Variants in LRP5 observed in about 807,000 individuals in gnomAD.
The protein encoded by LRP5 is LDL receptor related protein 5, also known as low-density lipoprotein receptor-related protein 5.
Under a neutral mutation model 154.1 loss-of-function variants are expected in LRP5, and 62 were observed. That is an observed-to-expected ratio of 0.40 (90% CI 0.33 to 0.50). The LOEUF (loss-of-function observed/expected upper bound fraction) is 0.50, where lower values mean the gene tolerates loss of function less well. LRP5 is among the 20% of genes least tolerant of loss of function. LRP5 has a pLI of 0.55. For synonymous variants in LRP5, 966 were observed against 1,011.5 expected, an observed-to-expected ratio of 0.96 and a Z score of 0.85; for missense variants, 1,915 against 2,336.7, an observed-to-expected ratio of 0.82 and a Z score of 3.72.
chr11:68,330,744 C>T (rs1464669039), intron 1 of LRP5, among the ~76,000 whole-genome samples: 2 of 152,248 alleles, frequency 1.3e-5, no homozygotes, highest in African/African-American at 4.8e-5. Flanking sequence ...CACTGGCTCT[C>T]GCAGGAGCGC....
chr11:68,335,669 C>T (rs1156468682), intron 1 of LRP5, among the ~76,000 whole-genome samples: 1 of 152,226 alleles, frequency 6.6e-6, no homozygotes, highest in Non-Finnish European at 1.5e-5. Flanking sequence ...CATATTCTCT[C>T]TGTAAGGCGT....
rs1365922615 is a variant in LRP5, at chr11:68,413,679, G to A, written c.2504-10G>A. The A allele has an allele frequency of 6.2e-7, 1 of 1,613,332 alleles. No homozygotes were observed. The highest frequency in any genetic ancestry group is 8.5e-7 in the Non-Finnish European group (1 of 1,179,788). The stretch of plus-strand genomic sequence containing the variant: ...CTTTGCTGACACCGTGCCCGTGTGT[G>A]TTCATGCAGGTCAGGAGCGGGTCGT... On this transcript the variant is annotated splice_polypyrimidine_tract_variant and intron_variant, in intron 11 of 22. Coordinates refer to ENST00000294304, the MANE Select transcript of LRP5 (RefSeq NM_002335.4). This position sits in a 1 kb window ranked among gnomAD's most constrained non-coding sequence, Gnocchi z 5.1.
intron 7 of LRP5, among the ~76,000 whole-genome samples, chr11:68,399,730 G>A (rs629545): frequency 6.6e-6 from 1 of 152,250 alleles, no homozygotes; most frequent in Non-Finnish European, 1.5e-5. Context: ...GAAAGGCAGA[G>A]GCCTCCTGAG....
intron 1 of LRP5, among the ~76,000 whole-genome samples, chr11:68,321,722 T>C (rs1224689047): frequency 1.3e-5 from 2 of 152,244 alleles, no homozygotes; most frequent in Admixed American, 1.3e-4. Context: ...ATATAATTAC[T>C]GAGTTAATTA....
Position 68,403,421 on chromosome 11 carries a change from C to T in LRP5, c.1585-62C>T, listed in dbSNP as rs187860847. 82 of 1,484,352 alleles carry T rather than the reference C, an allele frequency of 5.5e-5. No homozygotes were observed. In the Admixed American group the frequency reaches 1.2e-3, roughly 21 times the overall value. The allele number at this position is 1,484,352 out of a possible 1,614,324, so 91.9% of individuals were successfully genotyped here. ...GGCAGCTCAGGCCCCAGGCAGGGTC[C>T]GGGTTGGCTCTCGTTGGTGTGGCCC... On this transcript the variant is annotated intron_variant, in intron 7 of 22. Transcript: ENST00000294304.
intron 1 of LRP5, among the ~76,000 whole-genome samples, chr11:68,317,225 TCA>T (rs200718042): frequency 0.012 from 1,888 of 152,320 alleles, 21 homozygotes; most frequent in Non-Finnish European, 0.019. Context: ...GCCCTCAGCC[TCA>T]GTTTCCTCAT....
chr11:68,389,414 C>T (rs891231892), intron 6 of LRP5, among the ~76,000 whole-genome samples: 2 of 151,814 alleles, frequency 1.3e-5, no homozygotes, highest in Admixed American at 6.6e-5. Context: ...CTACCAACAC[C>T]GACATTTACC....
intron 1 of LRP5, among the ~76,000 whole-genome samples, chr11:68,326,717 G>C (rs568756518): frequency 6.6e-6 from 1 of 152,360 alleles, no homozygotes; most frequent in Admixed American, 6.5e-5. Context: ...GCGAAGCCTT[G>C]AGCTCCTGGC....
In LRP5 at chr11:68,428,254, C is replaced by G. The variant is rs1277883492; in HGVS notation, c.3638-1321C>G. On this transcript the variant is annotated intron_variant, in intron 16 of 22. Transcript: ENST00000294304. ...AGGTGATCCACGCACCTCGGCCTCCCAAAGTGCTGGGATTACAGGCATGAG... is the reference window on the plus strand; with the variant it reads ...AGGTGATCCACGCACCTCGGCCTCCGAAAGTGCTGGGATTACAGGCATGAG... Among the ~76,000 whole-genome samples, 2 of 152,100 alleles carry G rather than the reference C, an allele frequency of 1.3e-5. 1 individual carries two copies. The highest frequency in any genetic ancestry group is 3.8e-4 in the East Asian group (2 of 5,198).
chr11:68,365,900 A>G (rs1231194852), intron 5 of LRP5, among the ~76,000 whole-genome samples, 198 bp downstream of exon 5: 1 of 152,150 alleles, frequency 6.6e-6, no homozygotes, highest in Non-Finnish European at 1.5e-5. Flanking sequence ...CCAGGAGGTC[A>G]ATCCTGTTTT....
chr11:68,298,494 C>G, the LRP5 span, among the ~76,000 whole-genome samples: 1 of 152,148 alleles, frequency 6.6e-6, no homozygotes, highest in African/African-American at 2.4e-5. Flanking sequence ...CCCCTTTTGC[C>G]AGGCTCCCCC....
intron 16 of LRP5, among the ~76,000 whole-genome samples, chr11:68,426,758 G>C (rs114254774): frequency 0.011 from 1,693 of 152,310 alleles, 27 homozygotes; most frequent in African/African-American, 0.038. Context: ...GTAAGGCAAA[G>C]TCCAGGCACA....
chr11:68,414,142 G>C (rs2098661217), intron 12 of LRP5, 130 bp downstream of exon 12: 2 of 858,002 alleles, frequency 2.3e-6, no homozygotes, highest in East Asian at 5.3e-5. Context: ...GTTGTGCACT[G>C]CACAAGCTGC....
At chr11:68,416,770 C>T (rs1366431547) in intron 13 of LRP5, among the ~76,000 whole-genome samples, 2 of 152,118 alleles carry the variant, frequency 1.3e-5, no homozygotes, top group Non-Finnish European at 2.9e-5. Context: ...TGGGGTCAGA[C>T]CCCACAGGAC....
At chr11:68,325,528 C>T (rs1417283944) in intron 1 of LRP5, among the ~76,000 whole-genome samples, 1 of 152,184 alleles carries the variant, frequency 6.6e-6, no homozygotes, top group Non-Finnish European at 1.5e-5. Flanking sequence ...GGGCAGCAAC[C>T]ATTATGCAGC....
chr11:68,368,847 C>CTTTT (rs1158183018), intron 5 of LRP5, among the ~76,000 whole-genome samples: 1 of 132,204 alleles, frequency 7.6e-6, no homozygotes, highest in Non-Finnish European at 1.6e-5. Flanking sequence ...TGAAGGATAT[C>CTTTT]TTTTTTTTTT....
intron 1 of LRP5, among the ~76,000 whole-genome samples, chr11:68,318,463 C>A (rs141563700): frequency 6.7e-4 from 102 of 151,786 alleles, no homozygotes; most frequent in African/African-American, 2.3e-3. Flanking sequence ...CCTCAGCCCG[C>A]AAGTAGTTGG....
intron 21 of LRP5, chr11:68,445,705 G>T (rs1338414811): frequency 7.7e-7 from 1 of 1,301,836 alleles, no homozygotes; most frequent in East Asian, 4.2e-5. Context: ...CTGTGTGGGT[G>T]TGTGGGCCCA....
At chr11:68,340,003 T>G (rs170193) in intron 1 of LRP5, among the ~76,000 whole-genome samples, 40,743 of 151,952 alleles carry the variant, frequency 0.27, 5,844 homozygotes, top group African/African-American at 0.33. Flanking sequence ...CACTTTGGGA[T>G]GCCAAGGCGG....
Sources: allele counts gnomAD v4.1 joint callset (sites outside exome capture counted in the v4.1 genomes callset), GRCh38; gene constraint gnomAD v4.1.1; non-coding constraint Gnocchi (gnomAD v3.1); transcripts MANE v1.5; gene names NCBI Gene and HGNC (gene_info 2026-07-23, HGNC 2026-07-21).